The following PTPRK variants were observed in gnomAD, a reference collection of about 807,000 sequenced individuals.
PTPRK encodes the protein receptor-type tyrosine-protein phosphatase kappa.
A neutral mutation model predicts 178.0 loss-of-function variants in PTPRK; 75 were observed. That is an observed-to-expected ratio of 0.42 (90% CI 0.35 to 0.51). The LOEUF (loss-of-function observed/expected upper bound fraction) is 0.51. Among genes scored for constraint, PTPRK ranks in the 20% least tolerant of loss-of-function variants. The probability of loss-of-function intolerance (pLI) is 0.02; values close to 1 mark genes in which losing one functional copy is unlikely to be tolerated. For synonymous variants in PTPRK, 637 were observed against 620.6 expected (o/e 1.03, Z -0.39); for missense variants, 1,441 against 1,797.8 (o/e 0.80, Z 3.59).
chr6:128,280,296 G>T (rs1436085168), intron 3 of PTPRK, among the ~76,000 whole-genome samples: 1 of 152,116 alleles, frequency 6.6e-6, no homozygotes, highest in Non-Finnish European at 1.5e-5. Context: ...ATCCCTGGGA[G>T]GCTGGCACTT....
rs759551672 is a variant in PTPRK at position 128,089,965 on chromosome 6, T to G, written c.1190A>C (p.Lys397Thr). The G allele has an allele frequency of 1.1e-5, 17 of 1,609,286 alleles. No individual in the cohort carries two copies. Among genetic ancestry groups the G allele is most frequent in the Non-Finnish European group, 1.4e-5 (17 of 1,175,630 alleles). Reference protein sequence around the residue: ...AEPMRTPKTLKIAEIQARRIA... With the variant: ...AEPMRTPKTLTIAEIQARRIA... ...CCGTCTTGCCTGTATTTCAGCAATC[T>G]TTAATGTCTTTGGGGTTCTCATAGG... Residue 397 changes from lysine to threonine, a missense_variant, in exon 8 of 30, where the codon AAG becomes ACG. Physicochemically the swap from Lys to Thr is moderately conservative, Grantham distance 78. Coordinates refer to ENST00000368226, the MANE Select transcript of PTPRK (RefSeq NM_002844.4).
intron 5 of PTPRK, chr6:128,235,556 C>T (rs764706129): frequency 1.2e-4 from 61 of 507,504 alleles, no homozygotes; most frequent in Middle Eastern, 6.4e-4. Flanking sequence ...TATCCAAGGT[C>T]GCACTTTGGG....
intron 1 of PTPRK, among the ~76,000 whole-genome samples, chr6:128,404,667 A>T (rs1014684097): frequency 2.4e-4 from 36 of 152,214 alleles, no homozygotes; most frequent in Non-Finnish European, 2.9e-5. Context: ...TAAGTATGTG[A>T]CTTCATCCAA....
intron 14 of PTPRK, among the ~76,000 whole-genome samples, chr6:128,007,019 CTAAAG>C (rs907644962): frequency 1.3e-5 from 2 of 150,564 alleles, no homozygotes; most frequent in South Asian, 2.1e-4. Flanking sequence ...AGATAAGAGG[CTAAAG>C]TAATTTCCTT....
At chr6:128,181,746 G>C (rs959903225) in intron 7 of PTPRK, among the ~76,000 whole-genome samples, 1 of 151,996 alleles carries the variant, frequency 6.6e-6, no homozygotes, top group African/African-American at 2.4e-5. Context: ...TTCAAGTCTG[G>C]GGGACCTGAA....
chr6:128,177,985 T>C (rs1421851605), intron 7 of PTPRK, among the ~76,000 whole-genome samples: 1 of 151,846 alleles, frequency 6.6e-6, no homozygotes, highest in Non-Finnish European at 1.5e-5. Context: ...ATTTCCTATA[T>C]CTGAGTAGAA....
intron 15 of PTPRK, among the ~76,000 whole-genome samples, chr6:128,000,621 T>C (rs1325813150): frequency 1.3e-5 from 2 of 152,016 alleles, no homozygotes; most frequent in Non-Finnish European, 2.9e-5. Context: ...CCAAAGTCAA[T>C]GGATCTACTT....
chr6:128,337,830 G>A (rs1166092816), intron 2 of PTPRK, among the ~76,000 whole-genome samples: 1 of 152,130 alleles, frequency 6.6e-6, no homozygotes, highest in Non-Finnish European at 1.5e-5. Context: ...CTCTGAAAAA[G>A]TGATGTCTGA....
At chr6:128,093,641 A>G (rs1285964380) in intron 7 of PTPRK, among the ~76,000 whole-genome samples, 13 of 149,306 alleles carry the variant, frequency 8.7e-5, no homozygotes, top group Non-Finnish European at 1.8e-4. Flanking sequence ...ACAAAAAAAC[A>G]AAACAAAACA....
intron 1 of PTPRK, among the ~76,000 whole-genome samples, chr6:128,498,630 A>G (rs9491971): frequency 0.057 from 8,717 of 152,272 alleles, 435 homozygotes; most frequent in African/African-American, 0.14. Flanking sequence ...CAGGATATAT[A>G]CTGAATTATA....
rs182415232 is a variant in PTPRK, at chr6:128,009,306, G to A, written c.2195-38C>T. ...AAAAAAAAATCAGTTACTGAAAGAA[G>A]CTAATAATCACAGAAAAAAATTATT... On this transcript the variant is annotated intron_variant, in intron 13 of 29. Coordinates refer to ENST00000368226, the MANE Select transcript of PTPRK (RefSeq NM_002844.4). 1.1e-4 allele frequency: 167 copies of A among 1,574,422 alleles called. No homozygotes were observed. The Middle Eastern group carries it at 1.4e-3, about 13-fold the overall frequency.
chr6:128,480,440 T>C (rs2128423536), intron 1 of PTPRK, among the ~76,000 whole-genome samples: 1 of 152,236 alleles, frequency 6.6e-6, no homozygotes, highest in East Asian at 1.9e-4. Flanking sequence ...TCAACATTCG[T>C]CCTGTCTAAA....
At chr6:128,190,649 C>A (rs1261088902) in intron 6 of PTPRK, among the ~76,000 whole-genome samples, 1 of 151,754 alleles carries the variant, frequency 6.6e-6, no homozygotes, top group Non-Finnish European at 1.5e-5. Context: ...CAGATACTTG[C>A]CACCACGCCC....
intron 21 of PTPRK, among the ~76,000 whole-genome samples, chr6:127,987,738 T>C (rs1038878837): frequency 6.6e-6 from 1 of 152,132 alleles, no homozygotes; most frequent in Admixed American, 6.6e-5. Context: ...TGTTTAATAT[T>C]AGTGACACTG....
chr6:128,409,471 G>A (rs1341423962), intron 1 of PTPRK: 2 of 278,848 alleles, frequency 7.2e-6, no homozygotes, highest in Admixed American at 9.8e-5. Flanking sequence ...TTTTCATTAT[G>A]AAATGCTTGA....
chr6:128,001,603 A>G (rs1161845124), intron 15 of PTPRK, among the ~76,000 whole-genome samples: 1 of 151,966 alleles, frequency 6.6e-6, no homozygotes, highest in Non-Finnish European at 1.5e-5. Context: ...AATTACTATG[A>G]TAATTATTAC....
intron 6 of PTPRK, among the ~76,000 whole-genome samples, chr6:128,187,946 T>G (rs1208367327): frequency 1.3e-5 from 2 of 152,202 alleles, no homozygotes; most frequent in Non-Finnish European, 2.9e-5. Context: ...ATGGGGCTTA[T>G]TTATAAAATT....
intron 1 of PTPRK, among the ~76,000 whole-genome samples, chr6:128,516,385 A>G (rs1299600186): frequency 6.6e-6 from 1 of 151,962 alleles, no homozygotes; most frequent in Admixed American, 6.6e-5. Flanking sequence ...ATGCAAGAGA[A>G]CTAGAGAGAG....
At chr6:128,398,603 T>G (rs1245685531) in intron 1 of PTPRK, among the ~76,000 whole-genome samples, 1 of 152,194 alleles carries the variant, frequency 6.6e-6, no homozygotes, top group African/African-American at 2.4e-5. Flanking sequence ...CATCTTTGCT[T>G]TAAAAGAACT....
Sources: gnomAD v4.1 joint callset for allele counts (sites outside exome capture counted in the v4.1 genomes callset) on GRCh38, gnomAD v4.1.1 for gene constraint, MANE v1.5 for transcripts, NCBI Gene and HGNC (gene_info 2026-07-23, HGNC 2026-07-21) for gene names.